LIMCH1: variants seen among roughly 807,000 people sequenced by gnomAD.
The protein encoded by LIMCH1 is LIM and calponin homology domains-containing protein 1.
In LIMCH1, 113 loss-of-function variants were observed where a neutral mutation model predicts 176.5. That is an observed-to-expected ratio of 0.64 (90% confidence interval 0.55 to 0.75). LIMCH1 has a LOEUF of 0.75. Ranked by LOEUF, LIMCH1 falls within the 30% of genes least tolerant of loss-of-function variation. LIMCH1 has a pLI of 0.00. For missense variants in LIMCH1, 1,674 were observed against 1,814.9 expected (o/e 0.92, Z 1.41); for synonymous variants, 619 against 645.9 (o/e 0.96, Z 0.63).
At chr4:41,531,522 A>ACC (rs1554087030) in intron 3 of LIMCH1, among the ~76,000 whole-genome samples, 28 of 145,530 alleles carry the variant, frequency 1.9e-4, no homozygotes, top group African/African-American at 5.3e-4. Flanking sequence ...ACACATACAC[A>ACC]CCTTATACTT....
intron 2 of LIMCH1, among the ~76,000 whole-genome samples, chr4:41,517,597 G>A (rs888912323): frequency 5.3e-5 from 8 of 152,078 alleles, no homozygotes; most frequent in South Asian, 2.1e-4. Context: ...ATTGATGGCA[G>A]CTTGCGTTCC....
chr4:41,511,987 A>G (rs2074983566), intron 2 of LIMCH1, among the ~76,000 whole-genome samples: 1 of 152,204 alleles, frequency 6.6e-6, no homozygotes, highest in Non-Finnish European at 1.5e-5. Flanking sequence ...AATGGGAAAA[A>G]ATATTTGCAA....
In LIMCH1 at chr4:41,697,327, C is replaced by T; in HGVS notation, c.*142C>T. 15 of 655,182 alleles carry T rather than the reference C, an allele frequency of 2.3e-5. No homozygotes were observed. Among genetic ancestry groups the T allele is most frequent in the South Asian group, 4.3e-5 (2 of 46,988 alleles). The allele number at this position is 655,182 out of a possible 1,614,324, so 40.6% of individuals were successfully genotyped here. A position where few individuals can be genotyped will look rare whatever the true frequency, so the allele number is the denominator to read the frequency against. The stretch of plus-strand genomic sequence containing the variant: ...GCTCTTCTGAAAGGTGGTATCTGTT[C>T]TTTCGTAGCACAGTGTTTATGTTTT... On this transcript the variant is annotated 3_prime_UTR_variant, in exon 32 of 32. Transcript: ENST00000503057.
chr4:41,589,178 G>A (rs1248070039), intron 1 of LIMCH1, among the ~76,000 whole-genome samples: 1 of 152,226 alleles, frequency 6.6e-6, no homozygotes, highest in African/African-American at 2.4e-5. Context: ...TGTTATAGGT[G>A]AGAAAGAATG....
intron 7 of LIMCH1, among the ~76,000 whole-genome samples, chr4:41,625,590 A>C (rs1298370222): frequency 2.0e-5 from 3 of 152,200 alleles, no homozygotes; most frequent in Non-Finnish European, 4.4e-5. Flanking sequence ...AGTGTCTTCA[A>C]ATAGCCAATG....
At position 41,499,016 on chromosome 4, in the gene LIMCH1, C is replaced by T. The variant is rs73142565; in HGVS notation, c.167+4410C>T. ...TACTATCTGGTCCTTTACAGAGAAA[C>T]TTTGCCAGTTCTAAAGGACTGTGGA... On this transcript the variant is annotated intron_variant, in intron 2 of 26. Transcript: ENST00000313860. Among the ~76,000 whole-genome samples the T allele has an allele frequency of 4.3e-3, 657 of 152,212 alleles. 6 individuals are homozygous for T. The highest frequency in any genetic ancestry group is 0.015 in the African/African-American group (629 of 41,528).
chr4:41,502,479 T>G (rs573070874), intron 2 of LIMCH1, among the ~76,000 whole-genome samples: 1 of 152,328 alleles, frequency 6.6e-6, no homozygotes, highest in African/African-American at 2.4e-5. Context: ...CTCTGAGGAA[T>G]CGCCACACTA....
chr4:41,476,534 G>A (rs962844247), intron 1 of LIMCH1, among the ~76,000 whole-genome samples: 3 of 152,216 alleles, frequency 2.0e-5, no homozygotes, highest in African/African-American at 4.8e-5. Flanking sequence ...GTGATGAATG[G>A]CATTTTAGTG....
intron 19 of LIMCH1, 35 bp from the exon 20 acceptor site, chr4:41,662,786 C>T (rs199893832): frequency 6.2e-7 from 1 of 1,610,064 alleles, no homozygotes; most frequent in African/African-American, 1.3e-5. Flanking sequence ...ATTTTCTTTT[C>T]CTTCTGTACG....
intron 2 of LIMCH1, among the ~76,000 whole-genome samples, chr4:41,503,011 A>G (rs1240286919): frequency 4.2e-4 from 64 of 150,670 alleles, no homozygotes; most frequent in South Asian, 1.9e-3. Context: ...CCATCCATCC[A>G]TCCATCCATC....
At chr4:41,592,462 CTTTT>C (rs10714719) in intron 1 of LIMCH1, among the ~76,000 whole-genome samples, 1 of 150,498 alleles carries the variant, frequency 6.6e-6, no homozygotes, top group Non-Finnish European at 1.5e-5. Flanking sequence ...CAGCAACTAT[CTTTT>C]TTTTTTCTTT....
At chr4:41,507,181 C>T (rs2074287080) in intron 2 of LIMCH1, among the ~76,000 whole-genome samples, 1 of 152,202 alleles carries the variant, frequency 6.6e-6, no homozygotes, top group African/African-American at 2.4e-5. Flanking sequence ...GGGTTTTCAT[C>T]CCTTTCTTGT....
chr4:41,644,511 T>C lies in LIMCH1; in HGVS notation c.2138T>C (p.Met713Thr). 1 of 1,572,998 alleles carries C rather than the reference T, an allele frequency of 6.4e-7. No individual in the cohort carries two copies. The highest frequency in any genetic ancestry group is 1.2e-5 in the South Asian group (1 of 85,254). ...PVSDDAESTSMFDMRCEEEAA... is the reference protein window; with the variant it reads ...PVSDDAESTSTFDMRCEEEAA... ...CTCTCCACACTCAGGAGCACCAGCA[T>C]GTTTGACATGCGGTGTGAGGAGGAG... The change falls in exon 15 of 32, where the codon ATG becomes ACG. Residue 713 changes from methionine to threonine, a missense_variant. Met to Thr is a moderately conservative substitution (Grantham distance 81). Coordinates refer to ENST00000503057, the MANE Select transcript of LIMCH1 (RefSeq NM_001330672.2).
chr4:41,439,768 G>T (rs1422247059), intron 1 of LIMCH1, among the ~76,000 whole-genome samples: 1 of 151,980 alleles, frequency 6.6e-6, no homozygotes, highest in Non-Finnish European at 1.5e-5. Context: ...GGCGGGCATG[G>T]TAATGTGCCC....
At chr4:41,585,268 C>CT (rs2086237126) in intron 1 of LIMCH1, among the ~76,000 whole-genome samples, 1 of 152,222 alleles carries the variant, frequency 6.6e-6, no homozygotes, top group Non-Finnish European at 1.5e-5. Context: ...TTTGACTACT[C>CT]TAAGTACCTC....
At chr4:41,636,340 C>CTTTTTTTTT (rs35828085) in intron 13 of LIMCH1, among the ~76,000 whole-genome samples, 9 of 104,922 alleles carry the variant, frequency 8.6e-5, no homozygotes, top group South Asian at 3.3e-4. Flanking sequence ...TGCTTTATTA[C>CTTTTTTTTT]TTTTTTTTTT....
rs1428241977 is a variant in LIMCH1 at position 41,629,797 on chromosome 4, A to G, written c.1271+63A>G. 4 of 1,465,234 alleles carry G rather than the reference A, an allele frequency of 2.7e-6. No homozygotes were observed. The African/African-American group carries it at 5.7e-5, about 21-fold the overall frequency. The allele number at this position is 1,465,234 out of a possible 1,614,324, so 90.8% of individuals were successfully genotyped here. A position where few individuals can be genotyped will look rare whatever the true frequency, so the allele number is the denominator to read the frequency against. On this transcript the variant is annotated intron_variant, in intron 9 of 31. Coordinates refer to ENST00000503057, the MANE Select transcript of LIMCH1 (RefSeq NM_001330672.2). ...CATGGTATTTCATTTTGAAGGCATCAAATGCTTATCTTTGTGTCTTTTTTT... is the reference window on the plus strand; with the variant it reads ...CATGGTATTTCATTTTGAAGGCATCGAATGCTTATCTTTGTGTCTTTTTTT...
chr4:41,670,182 A>G (rs1585652602), intron 21 of LIMCH1, among the ~76,000 whole-genome samples: 1 of 152,246 alleles, frequency 6.6e-6, no homozygotes, highest in Non-Finnish European at 1.5e-5. Context: ...GAAAATGACG[A>G]CAACAGCAGA....
chr4:41,509,698 G>C (rs888565775), intron 2 of LIMCH1, among the ~76,000 whole-genome samples: 6 of 152,310 alleles, frequency 3.9e-5, no homozygotes, highest in Admixed American at 6.5e-5. Context: ...TCCCCAACAG[G>C]CTTCTGTTAG....
Sources: allele counts gnomAD v4.1 joint callset (sites outside exome capture counted in the v4.1 genomes callset), GRCh38; gene constraint gnomAD v4.1.1; transcripts MANE v1.5; gene names NCBI Gene and HGNC (gene_info 2026-07-23, HGNC 2026-07-21).